Variants in MAML3 observed in about 807,000 individuals in gnomAD.
The protein encoded by MAML3 is mastermind like transcriptional coactivator 3.
A neutral mutation model predicts 101.9 loss-of-function variants in MAML3; 27 were observed. The observed-to-expected ratio is 0.27, with a 90% CI of 0.20 to 0.37. MAML3 has a LOEUF of 0.37. Among genes scored for constraint, MAML3 ranks in the 10% least tolerant of loss-of-function variants. MAML3 has a pLI of 1.00. For missense variants in MAML3, 1,316 were observed against 1,444.9 expected (o/e 0.91, Z 1.45); for synonymous variants, 501 against 555.9 (o/e 0.90, Z 1.39).
intron 1 of MAML3, among the ~76,000 whole-genome samples, chr4:140,096,879 GA>G (rs1258784791): frequency 2.2e-5 from 3 of 134,582 alleles, no homozygotes; most frequent in Non-Finnish European, 4.8e-5. Context: ...AATATTTTAA[GA>G]TGATTTCTAT....
chr4:140,050,338 A>G (rs1286291257), intron 1 of MAML3, among the ~76,000 whole-genome samples: 1 of 152,110 alleles, frequency 6.6e-6, no homozygotes, highest in African/African-American at 2.4e-5. Context: ...GTTCGTAGAG[A>G]AAAAAATGGG....
intron 1 of MAML3, among the ~76,000 whole-genome samples, chr4:140,150,047 T>A (rs1241108354): frequency 6.6e-6 from 1 of 151,086 alleles, no homozygotes; most frequent in Non-Finnish European, 1.5e-5. Context: ...GAGAGATGCA[T>A]GTGAAACAGC....
At chr4:139,918,245 T>C (rs866066588) in intron 1 of MAML3, among the ~76,000 whole-genome samples, 5 of 152,314 alleles carry the variant, frequency 3.3e-5, no homozygotes, top group South Asian at 2.1e-4. Flanking sequence ...AATCCTTATA[T>C]AGACTCCCAT....
chr4:139,947,539 G>A (rs1733751689), intron 1 of MAML3, among the ~76,000 whole-genome samples: 1 of 152,108 alleles, frequency 6.6e-6, no homozygotes, highest in African/African-American at 2.4e-5. Context: ...TAAAAGAACT[G>A]TAGACCTGAG....
intron 1 of MAML3, among the ~76,000 whole-genome samples, chr4:140,108,708 C>G (rs1244314609): frequency 6.6e-6 from 1 of 151,698 alleles, no homozygotes; most frequent in African/African-American, 2.4e-5. Flanking sequence ...CTCTCATACT[C>G]TGATCAGTTA....
chr4:139,724,364 A>G (rs1046370940), intron 4 of MAML3, among the ~76,000 whole-genome samples: 1 of 152,134 alleles, frequency 6.6e-6, no homozygotes, highest in African/African-American at 2.4e-5. Context: ...TGCTCTGGTA[A>G]TTTCTGTTGT....
chr4:139,997,733 A>T (rs1165227229), intron 1 of MAML3, among the ~76,000 whole-genome samples: 1 of 151,370 alleles, frequency 6.6e-6, no homozygotes, highest in Non-Finnish European at 1.5e-5. Context: ...AGGCATGTTA[A>T]CAGCCATTTT....
At chr4:140,107,207 A>G (rs976301230) in intron 1 of MAML3, among the ~76,000 whole-genome samples, 74 of 152,300 alleles carry the variant, frequency 4.9e-4, no homozygotes, top group African/African-American at 1.8e-3. Flanking sequence ...GAAAATAAAA[A>G]AGCAGATAAT....
At chr4:139,810,248 A>C (rs1185866847) in intron 2 of MAML3, among the ~76,000 whole-genome samples, 1 of 139,408 alleles carries the variant, frequency 7.2e-6, no homozygotes, top group East Asian at 2.1e-4. Flanking sequence ...GCTGGAGTGC[A>C]GTGGCCCCAT....
At chr4:139,766,451 C>G (rs1285441741) in intron 2 of MAML3, among the ~76,000 whole-genome samples, 1 of 152,178 alleles carries the variant, frequency 6.6e-6, no homozygotes, top group Non-Finnish European at 1.5e-5. Flanking sequence ...GGATTACAGA[C>G]GTGAGCCACC....
rs11939054 is a variant in MAML3, at chr4:139,955,111, T to C, written c.469-64144A>G. ...CTGAATATTCTAAGATCTTTGGGAC[T>C]AAAAGGCCATCCAACCCCAACCCCT... On this transcript the variant is annotated intron_variant, in intron 1 of 4. Coordinates refer to ENST00000509479, the MANE Select transcript of MAML3 (RefSeq NM_018717.5). 9.2e-3 allele frequency among the ~76,000 whole-genome samples: 1,401 copies of C among 152,222 alleles called. 20 individuals are homozygous for C. Among genetic ancestry groups the C allele is most frequent in the African/African-American group, 0.031 (1,303 of 41,524 alleles).
chr4:139,837,712 G>A (rs1731281245), intron 2 of MAML3, among the ~76,000 whole-genome samples: 1 of 152,090 alleles, frequency 6.6e-6, no homozygotes, highest in Non-Finnish European at 1.5e-5. Flanking sequence ...CTGAGGTCAG[G>A]AGTTCAAGAG....
At chr4:139,755,265 T>G (rs1729621321) in intron 2 of MAML3, among the ~76,000 whole-genome samples, 1 of 152,212 alleles carries the variant, frequency 6.6e-6, no homozygotes, top group African/African-American at 2.4e-5. Context: ...AGCCTGCTCC[T>G]TATTTGGCTT....
At chr4:139,895,727 A>G (rs1254278315) in intron 1 of MAML3, among the ~76,000 whole-genome samples, 1 of 152,224 alleles carries the variant, frequency 6.6e-6, no homozygotes, top group African/African-American at 2.4e-5. Flanking sequence ...AATATGAACA[A>G]CAAAAATCAA....
intron 1 of MAML3, among the ~76,000 whole-genome samples, chr4:139,899,518 G>A (rs184453919): frequency 1.5e-3 from 232 of 151,946 alleles, no homozygotes; most frequent in African/African-American, 5.1e-3. Flanking sequence ...TCTGCGTGTC[G>A]GGCTCTGCGC....
intron 2 of MAML3, among the ~76,000 whole-genome samples, chr4:139,731,978 A>C (rs1728745101): frequency 6.6e-6 from 1 of 152,228 alleles, no homozygotes; most frequent in Non-Finnish European, 1.5e-5. Context: ...ATTCTGCAGA[A>C]ATTCCTTCTA....
At chr4:139,780,310 T>C (rs1178935747) in intron 2 of MAML3, among the ~76,000 whole-genome samples, 2 of 152,204 alleles carry the variant, frequency 1.3e-5, no homozygotes, top group Non-Finnish European at 2.9e-5. Context: ...CTGAGGTCTT[T>C]ACCTTTGCGG....
chr4:139,789,680 T>C (rs1051441309), intron 2 of MAML3, among the ~76,000 whole-genome samples: 1 of 152,142 alleles, frequency 6.6e-6, no homozygotes, highest in Non-Finnish European at 1.5e-5. Context: ...AGAAGTGATA[T>C]ATAATTTTTT....
At chr4:139,923,805 T>C (rs1733173171) in intron 1 of MAML3, among the ~76,000 whole-genome samples, 1 of 152,212 alleles carries the variant, frequency 6.6e-6, no homozygotes, top group East Asian at 1.9e-4. Flanking sequence ...TATTGTTGGT[T>C]ACAGATCTGC....
Sources: gnomAD v4.1 joint callset for allele counts (sites outside exome capture counted in the v4.1 genomes callset) on GRCh38, gnomAD v4.1.1 for gene constraint, MANE v1.5 for transcripts, NCBI Gene and HGNC (gene_info 2026-07-23, HGNC 2026-07-21) for gene names.